Variants in SENP7 observed in about 807,000 individuals in gnomAD.
SENP7 encodes SUMO specific peptidase 7, also known as sentrin-specific protease 7.
Under a neutral mutation model 141.2 loss-of-function variants are expected in SENP7, and 64 were observed. The observed-to-expected ratio is 0.45, with a 90% confidence interval of 0.37 to 0.56. The LOEUF (loss-of-function observed/expected upper bound fraction) is 0.56. Ranked by LOEUF, SENP7 falls within the 20% of genes least tolerant of loss-of-function variation. The pLI is 0.00. For missense variants in SENP7, 1,025 were observed against 1,212.2 expected (o/e 0.85, Z 2.29); for synonymous variants, 382 against 426.4 (o/e 0.90, Z 1.28).
chr3:101,512,876 T>G (rs994533797), intron 1 of SENP7, among the ~76,000 whole-genome samples: 1 of 151,738 alleles, frequency 6.6e-6, no homozygotes, highest in Non-Finnish European at 1.5e-5. Flanking sequence ...GGTTTTGAGG[T>G]GAAGAGCGCC....
At chr3:101,406,018 G>C (rs546465943) in intron 5 of SENP7, among the ~76,000 whole-genome samples, 121 of 152,136 alleles carry the variant, frequency 8.0e-4, no homozygotes, top group Non-Finnish European at 1.6e-3. Context: ...CTGTGGAAGA[G>C]AGTGTGGTGA....
intron 2 of SENP7, among the ~76,000 whole-genome samples, chr3:101,498,960 C>T (rs1323615581): frequency 2.0e-5 from 3 of 152,172 alleles, no homozygotes; most frequent in Non-Finnish European, 4.4e-5. Flanking sequence ...CTGTCTTCCA[C>T]GATACTGGTC....
At chr3:101,367,632 T>C (rs1186299447) in intron 8 of SENP7, among the ~76,000 whole-genome samples, 198 bp downstream of exon 8, 2 of 152,160 alleles carry the variant, frequency 1.3e-5, no homozygotes, top group Non-Finnish European at 2.9e-5. Flanking sequence ...GTATTTGAAA[T>C]GTGTTCCAAT....
rs2059587222 is a variant in SENP7, at chr3:101,350,560, T to A, written c.1657+1058A>T. ...TATTTTTCCACAATCTGTAATAAAA[T>A]TTCTTTTAAAAATTATATGCAATAG... On this transcript the variant is annotated intron_variant, in intron 12 of 23. Transcript: ENST00000394095. Among the ~76,000 whole-genome samples, 5 of 152,154 alleles carry A rather than the reference T, an allele frequency of 3.3e-5. No individual in the cohort carries two copies. The South Asian group carries it at 1.0e-3, about 32-fold the overall frequency.
intron 9 of SENP7, among the ~76,000 whole-genome samples, chr3:101,365,389 A>G (rs1476611620): frequency 6.6e-6 from 1 of 151,320 alleles, no homozygotes; most frequent in East Asian, 2.0e-4. Flanking sequence ...TAATCCCAGC[A>G]CTTTGGGAGG....
chr3:101,333,540 C>T (rs1257361257), intron 17 of SENP7, among the ~76,000 whole-genome samples: 1 of 152,020 alleles, frequency 6.6e-6, no homozygotes, highest in Non-Finnish European at 1.5e-5. Context: ...ATAAATTAAT[C>T]AGTTAACTTA....
intron 6 of SENP7, among the ~76,000 whole-genome samples, chr3:101,398,529 C>T (rs2061038652): frequency 6.6e-6 from 1 of 151,998 alleles, no homozygotes; most frequent in Admixed American, 6.6e-5. Flanking sequence ...ACAAATAGAA[C>T]AGAAAAAGAG....
intron 2 of SENP7, among the ~76,000 whole-genome samples, chr3:101,500,848 T>A (rs2065349503): frequency 6.6e-6 from 1 of 152,218 alleles, no homozygotes; most frequent in African/African-American, 2.4e-5. Context: ...GAAAGTATAC[T>A]GGTCATCTGG....
intron 3 of SENP7, among the ~76,000 whole-genome samples, chr3:101,491,258 A>C (rs1045760176): frequency 2.0e-5 from 3 of 150,312 alleles, no homozygotes; most frequent in African/African-American, 4.9e-5. Flanking sequence ...GAGTAGCTGG[A>C]ACTACAGGTG....
intron 1 of SENP7, among the ~76,000 whole-genome samples, chr3:101,512,525 A>T (rs2065901480): frequency 6.6e-6 from 1 of 152,174 alleles, no homozygotes; most frequent in African/African-American, 2.4e-5. Context: ...GACGCAGGGT[A>T]GGCTGGAAAA....
At chr3:101,351,501 A>T in intron 12 of SENP7, 117 bp downstream of exon 12, 1 of 770,822 alleles carries the variant, frequency 1.3e-6, no homozygotes, top group Non-Finnish European at 1.9e-6. Context: ...AAACATTTTT[A>T]CTCCATTTGG....
chr3:101,504,238 G>A (rs1175918446), intron 1 of SENP7, among the ~76,000 whole-genome samples: 2 of 151,740 alleles, frequency 1.3e-5, no homozygotes, highest in Admixed American at 6.6e-5. Context: ...GATCACTTGA[G>A]GTCAGGAGTT....
intron 2 of SENP7, among the ~76,000 whole-genome samples, chr3:101,494,344 G>A (rs1196345010): frequency 1.3e-5 from 2 of 152,134 alleles, no homozygotes; most frequent in African/African-American, 4.8e-5. Context: ...CTTAACAATT[G>A]TAAAACTCTT....
At chr3:101,338,779 C>T (rs968980266) in intron 16 of SENP7, among the ~76,000 whole-genome samples, 6 of 152,176 alleles carry the variant, frequency 3.9e-5, no homozygotes, top group African/African-American at 1.4e-4. Flanking sequence ...AAATTGGAAA[C>T]TTCGTAATTC....
rs1412118916 is a variant in SENP7, at chr3:101,365,430, G to A, written c.1319-439C>T. 3.3e-5 allele frequency among the ~76,000 whole-genome samples: 5 copies of A among 150,224 alleles called. No homozygotes were observed. In the East Asian group the frequency reaches 1.0e-3, roughly 31 times the overall value. On this transcript the variant is annotated intron_variant, in intron 9 of 23. Transcript: ENST00000394095. ...GTGGGTAGATTCCCTGAGGTCAGGA[G>A]TTCAAGATCAGCCAGGCCAACATGG...
At chr3:101,510,435 A>G (rs2065803668) in intron 1 of SENP7, among the ~76,000 whole-genome samples, 1 of 152,246 alleles carries the variant, frequency 6.6e-6, no homozygotes, top group Admixed American at 6.5e-5. Flanking sequence ...GTAGTCTCAC[A>G]GATAAAACTT....
chr3:101,447,274 G>A (rs4683845), intron 4 of SENP7, among the ~76,000 whole-genome samples: 60,554 of 151,714 alleles, frequency 0.4, 12,570 homozygotes, highest in Admixed American at 0.54. Flanking sequence ...ATGAGACCCC[G>A]TCTCTACAAA....
chr3:101,465,787 A>T (rs749216533), intron 3 of SENP7, among the ~76,000 whole-genome samples: 19 of 152,192 alleles, frequency 1.2e-4, no homozygotes, highest in Admixed American at 7.2e-4. Context: ...TAATTTTCCA[A>T]TAAGAGACCC....
Position 101,437,885 on chromosome 3 carries a change from T to G in SENP7, c.285-20095A>C, listed in dbSNP as rs80041826. Among the ~76,000 whole-genome samples the G allele has an allele frequency of 2.0e-5, 3 of 150,976 alleles. No individual in the cohort carries two copies. In the East Asian group the frequency reaches 5.8e-4, roughly 29 times the overall value. On this transcript the variant is annotated intron_variant, in intron 4 of 23. Coordinates refer to ENST00000394095, the MANE Select transcript of SENP7 (RefSeq NM_020654.5). ...TAGGAAAATGCAATTAAGACTACAATGAAATGCCACCTCATACCATTAGGA... is the reference window on the plus strand; with the variant it reads ...TAGGAAAATGCAATTAAGACTACAAGGAAATGCCACCTCATACCATTAGGA...
Sources: gnomAD v4.1 joint callset for allele counts (sites outside exome capture counted in the v4.1 genomes callset) on GRCh38, gnomAD v4.1.1 for gene constraint, MANE v1.5 for transcripts, NCBI Gene and HGNC (gene_info 2026-07-23, HGNC 2026-07-21) for gene names.